MAGT1: variants seen among roughly 807,000 people sequenced by gnomAD.
MAGT1 encodes the protein dolichyl-diphosphooligosaccharide--protein glycosyltransferase subunit MAGT1.
A neutral mutation model predicts 28.4 loss-of-function variants in MAGT1; 4 were observed. The observed-to-expected ratio is 0.14, with a 90% confidence interval of 0.07 to 0.32. MAGT1 has a LOEUF of 0.32. Ranked by LOEUF, MAGT1 falls within the 10% of genes least tolerant of loss-of-function variation. The pLI is 1.00. For synonymous variants in MAGT1, 89 were observed against 89.7 expected (o/e 0.99, Z 0.04); for missense variants, 193 against 264.5 (o/e 0.73, Z 1.88).
intron 8 of MAGT1, among the ~76,000 whole-genome samples, chrX:77,832,810 A>G (rs1198560099): frequency 4.2e-4 from 39 of 92,619 alleles, no homozygotes; most frequent in South Asian, 1.8e-3. Flanking sequence ...GCGAAAAAGC[A>G]AGCCTCTGTC....
rs1557217276 is a variant in MAGT1, at chrX:77,870,793, A to G, written c.390+15T>C. On this transcript the variant is annotated intron_variant, in intron 3 of 9. Coordinates refer to ENST00000618282, the MANE Select transcript of MAGT1 (RefSeq NM_001367916.1). ...TTACCTATTTTTATATAGCAGAATA[A>G]ACCAAAGATCTTACCATCTGAAATA... The G allele has an allele frequency of 9.2e-7, 1 of 1,082,100 alleles. No homozygotes were observed. The highest frequency in any genetic ancestry group is 1.3e-6 in the Non-Finnish European group (1 of 777,573). 89.2% of individuals were successfully genotyped at this position (1,082,100 alleles called of 1,213,427 possible). A position where few individuals can be genotyped will look rare whatever the true frequency, so the allele number is the denominator to read the frequency against.
intron 1 of MAGT1, among the ~76,000 whole-genome samples, chrX:77,885,207 A>C (rs1253023300): frequency 9.2e-6 from 1 of 109,128 alleles, no homozygotes; most frequent in African/African-American, 3.3e-5. Context: ...TGGGACTACA[A>C]GTATGCGCCA....
chrX:77,888,106 G>A (rs190083312), intron 1 of MAGT1, among the ~76,000 whole-genome samples: 1 of 111,571 alleles, frequency 9.0e-6, no homozygotes, highest in Non-Finnish European at 1.9e-5. Flanking sequence ...GACTGTGCCC[G>A]GCCTCCACTA....
intron 7 of MAGT1, among the ~76,000 whole-genome samples, chrX:77,844,889 G>A: frequency 1.8e-5 from 2 of 111,810 alleles, no homozygotes; most frequent in East Asian, 2.8e-4. Context: ...TGGAATAGGT[G>A]TTGTGTGGTG....
At chrX:77,881,269 TATAG>T (rs1557218410) in intron 1 of MAGT1, among the ~76,000 whole-genome samples, 1 of 111,236 alleles carries the variant, frequency 9.0e-6, no homozygotes. Context: ...TTTTTTTATA[TATAG>T]ATATTTATTA....
At chrX:77,877,997 A>G (rs1310632750) in intron 1 of MAGT1, among the ~76,000 whole-genome samples, 1 of 104,170 alleles carries the variant, frequency 9.6e-6, no homozygotes, top group Non-Finnish European at 2.0e-5. Flanking sequence ...AGATCAAGCA[A>G]CTGGGTGGGT....
rs1218583534 is a variant in MAGT1, at chrX:77,867,976, C to A, written c.390+2832G>T. ...AAGTGGACCAGTTAAAAGGTTACTG[C>A]ATTAGCTTGAATGAGAGATGAATGT... On this transcript the variant is annotated intron_variant, in intron 3 of 9. Coordinates refer to ENST00000618282, the MANE Select transcript of MAGT1 (RefSeq NM_001367916.1). 2 of 66,465 alleles carry A rather than the reference C, an allele frequency of 3.0e-5. 1 individual carries two copies. Among genetic ancestry groups the A allele is most frequent in the Non-Finnish European group, 8.1e-5 (2 of 24,640 alleles). 5.5% of individuals were successfully genotyped at this position (66,465 alleles called of 1,213,427 possible). A position where few individuals can be genotyped will look rare whatever the true frequency, so the allele number is the denominator to read the frequency against.
rs2149018211 is a variant in MAGT1 at position 77,856,761 on chromosome X, T to C, written c.644A>G (p.Asn215Ser). The change falls in exon 5 of 10, where the codon AAT becomes AGT. Residue 215 changes from asparagine (N) to serine (S), a missense_variant. Asn to Ser is a conservative substitution (Grantham distance 46, BLOSUM62 1). Coordinates refer to ENST00000618282, the MANE Select transcript of MAGT1 (RefSeq NM_001367916.1). ...LRRSNMEFLFNKTGWAFAALC... is the reference protein window; with the variant it reads ...LRRSNMEFLFSKTGWAFAALC... ...AGCTGCAAAAGCCCATCCAGTTTTATTAAAGAGAAATTCCATATTACTTCT... is the reference window on the plus strand; with the variant it reads ...AGCTGCAAAAGCCCATCCAGTTTTACTAAAGAGAAATTCCATATTACTTCT... 8.3e-7 allele frequency: 1 copy of C among 1,209,617 alleles called. No homozygotes were observed. The highest frequency in any genetic ancestry group is 1.1e-6 in the Non-Finnish European group (1 of 893,960).
At chrX:77,847,905 C>G (rs1569547950) in intron 7 of MAGT1, among the ~76,000 whole-genome samples, 2 of 111,410 alleles carry the variant, frequency 1.8e-5, no homozygotes, top group Non-Finnish European at 3.8e-5. Context: ...AGCCACCATG[C>G]CCGGCCAAAG....
chrX:77,882,231 C>G lies in MAGT1; in HGVS notation c.103-6634G>C, dbSNP rs782020420. On this transcript the variant is annotated intron_variant, in intron 1 of 9. Coordinates refer to ENST00000618282, the MANE Select transcript of MAGT1 (RefSeq NM_001367916.1). ...AAACTGGAAGCATTCCCTTTGAAAA[C>G]TGGCACAAGACAGGGATGCCCTCAC... 2.9e-4 allele frequency among the ~76,000 whole-genome samples: 32 copies of G among 111,897 alleles called. No homozygotes were observed. The South Asian group carries it at 5.6e-3, about 19-fold the overall frequency.
chrX:77,856,454 G>A (rs892503947), intron 5 of MAGT1: 1 of 224,159 alleles, frequency 4.5e-6, no homozygotes. Flanking sequence ...AAAAAAAAAA[G>A]AATAATATTT....
chrX:77,844,901 T>C (rs1438884242), intron 7 of MAGT1, among the ~76,000 whole-genome samples: 4 of 111,874 alleles, frequency 3.6e-5, no homozygotes, highest in Admixed American at 9.6e-5. Context: ...TGTGTGGTGC[T>C]GCAAAGAATG....
chrX:77,887,504 T>C (rs2077070864), intron 1 of MAGT1, among the ~76,000 whole-genome samples: 1 of 111,623 alleles, frequency 9.0e-6, no homozygotes, highest in Non-Finnish European at 1.9e-5. Flanking sequence ...CAAGAGCCCA[T>C]TATTTGGGTA....
At chrX:77,832,606 G>A (rs1557213515) in intron 8 of MAGT1, among the ~76,000 whole-genome samples, 1 of 109,742 alleles carries the variant, frequency 9.1e-6, no homozygotes, top group African/African-American at 3.3e-5. Context: ...CAAGGCGGGT[G>A]GATCACGAGG....
intron 7 of MAGT1, among the ~76,000 whole-genome samples, chrX:77,848,391 G>A (rs782454133): frequency 1.8e-5 from 2 of 112,369 alleles, no homozygotes; most frequent in Admixed American, 1.9e-4. Flanking sequence ...GGTGGCTCAC[G>A]CTTGTGGCCA....
rs782192993 is a variant in MAGT1 at position 77,858,183 on chromosome X, TTTTA to T, written c.391-690_391-687del. 1.0e-3 allele frequency among the ~76,000 whole-genome samples: 115 copies of T among 111,290 alleles called. 1 individual carries two copies. Among genetic ancestry groups the T allele is most frequent in the African/African-American group, 3.5e-3 (109 of 30,730 alleles). ...TAGAGATTGGCTTGCACAAATCAATTTTTATTTATTTATTTGTTTATTTTTGAGA... is the reference window on the plus strand; with the variant it reads ...TAGAGATTGGCTTGCACAAATCAATTTTTATTTATTTGTTTATTTTTGAGA... On this transcript the variant is annotated intron_variant, in intron 3 of 9. Coordinates refer to ENST00000618282, the MANE Select transcript of MAGT1 (RefSeq NM_001367916.1).
intron 3 of MAGT1, chrX:77,868,615 C>G (rs1249719337): frequency 3.5e-6 from 1 of 288,818 alleles, no homozygotes; most frequent in African/African-American, 2.7e-5. Flanking sequence ...CTAGTCTGGG[C>G]AACAGAGCGA....
At chrX:77,864,997 C>A (rs782481513) in intron 3 of MAGT1, among the ~76,000 whole-genome samples, 1 of 112,408 alleles carries the variant, frequency 8.9e-6, no homozygotes, top group South Asian at 3.6e-4. Context: ...CAGGTGTGAG[C>A]CACCATGCCT....
chrX:77,887,620 T>C (rs1557219100), intron 1 of MAGT1, among the ~76,000 whole-genome samples: 3 of 111,615 alleles, frequency 2.7e-5, no homozygotes, highest in Non-Finnish European at 5.6e-5. Flanking sequence ...AGTCACAACC[T>C]TCAAATGGAA....
Sources: gnomAD v4.1 joint callset for allele counts (sites outside exome capture counted in the v4.1 genomes callset) on GRCh38, gnomAD v4.1.1 for gene constraint, MANE v1.5 for transcripts, NCBI Gene and HGNC (gene_info 2026-07-23, HGNC 2026-07-21) for gene names.